CSMD1: variants seen among roughly 807,000 people sequenced by gnomAD.
CSMD1 encodes the protein CUB and Sushi multiple domains 1.
In CSMD1, 213 loss-of-function variants were observed where a neutral mutation model predicts 417.5. That is an observed-to-expected ratio of 0.51 (90% CI 0.46 to 0.57). The LOEUF (loss-of-function observed/expected upper bound fraction) is 0.57, where lower values mean the gene tolerates loss of function less well. Among genes scored for constraint, CSMD1 ranks in the 20% least tolerant of loss-of-function variants. The probability of loss-of-function intolerance (pLI) is 0.00; values close to 1 mark genes in which losing one functional copy is unlikely to be tolerated. For synonymous variants in CSMD1, 2,862 were observed against 1,736.8 expected (o/e 1.65, Z -16.11); for missense variants, 6,923 against 4,529.7 (o/e 1.53, Z -15.17).
intron 5 of CSMD1, among the ~76,000 whole-genome samples, chr8:3,903,201 T>G (rs2688399): frequency 0.032 from 4,878 of 152,166 alleles, 266 homozygotes; most frequent in African/African-American, 0.11. Context: ...TACCCTTCAG[T>G]GTGACTCTGC....
At chr8:4,986,884 T>C (rs186322437) in intron 1 of CSMD1, among the ~76,000 whole-genome samples, 1 of 152,310 alleles carries the variant, frequency 6.6e-6, no homozygotes, top group African/African-American at 2.4e-5. Flanking sequence ...GTGAAAACGT[T>C]ATTAGATTTT....
In CSMD1 at chr8:4,937,233, A is replaced by AAAC. The variant is rs1477660443; in HGVS notation, c.85+57098_85+57099insGTT. On this transcript the variant is annotated intron_variant, in intron 1 of 69. Coordinates refer to ENST00000635120, the MANE Select transcript of CSMD1 (RefSeq NM_033225.6). The stretch of plus-strand genomic sequence containing the variant: ...GTCTCAAAATAAATAAATAAATAAA[A>AAAC]TTATTTTTTATAAATATAAGGACAA... Among the ~76,000 whole-genome samples, 4 of 139,192 alleles carry AAAC rather than the reference A, an allele frequency of 2.9e-5. 1 individual carries two copies. Among genetic ancestry groups the AAAC allele is most frequent in the African/African-American group, 1.1e-4 (4 of 38,074 alleles). The allele number at this position is 139,192 out of a possible 152,430, so 91.3% of individuals were successfully genotyped here.
chr8:3,897,344 C>A (rs949711353), intron 5 of CSMD1, among the ~76,000 whole-genome samples: 2 of 152,158 alleles, frequency 1.3e-5, no homozygotes, highest in African/African-American at 4.8e-5. Context: ...CTCTTATAAG[C>A]AGTGTGCTCT....
At chr8:3,528,120 T>G (rs918302211) in intron 10 of CSMD1, among the ~76,000 whole-genome samples, 2 of 152,212 alleles carry the variant, frequency 1.3e-5, no homozygotes, top group Admixed American at 1.3e-4. Context: ...TGGAAAGTGA[T>G]TCTTTATTTT....
chr8:4,178,712 T>G (rs1798191713), intron 3 of CSMD1, among the ~76,000 whole-genome samples: 1 of 152,196 alleles, frequency 6.6e-6, no homozygotes, highest in South Asian at 2.1e-4. Flanking sequence ...CTCCTTAAGC[T>G]GATAGGCAAC....
At chr8:3,912,443 G>C (rs1402375620) in intron 5 of CSMD1, among the ~76,000 whole-genome samples, 2 of 152,116 alleles carry the variant, frequency 1.3e-5, no homozygotes, top group African/African-American at 4.8e-5. Context: ...GAGTAGACCA[G>C]GGAAGACATT....
intron 7 of CSMD1, among the ~76,000 whole-genome samples, chr8:3,657,386 T>A (rs1798182597): frequency 6.6e-6 from 1 of 151,922 alleles, no homozygotes; most frequent in Admixed American, 6.6e-5. Flanking sequence ...TATAAAACTG[T>A]ATGGTATCAA....
At chr8:3,402,259 C>CT (rs916057001) in intron 15 of CSMD1, among the ~76,000 whole-genome samples, 4 of 152,058 alleles carry the variant, frequency 2.6e-5, no homozygotes, top group Non-Finnish European at 5.9e-5. Flanking sequence ...AATCCTTAAT[C>CT]TTTTTTTTCA....
intron 1 of CSMD1, among the ~76,000 whole-genome samples, chr8:4,666,170 T>C (rs561961584): frequency 5.9e-5 from 9 of 152,146 alleles, no homozygotes; most frequent in Non-Finnish European, 1.2e-4. Flanking sequence ...TGCAGAATAA[T>C]GACCTCCCAA....
At chr8:3,193,958 C>A (rs570645408) in intron 33 of CSMD1, among the ~76,000 whole-genome samples, 1 of 152,148 alleles carries the variant, frequency 6.6e-6, no homozygotes, top group South Asian at 2.1e-4. Context: ...TAAAATAAAT[C>A]TGAGTGCATG....
intron 7 of CSMD1, among the ~76,000 whole-genome samples, chr8:3,661,916 T>C (rs991484507): frequency 6.6e-6 from 1 of 152,068 alleles, no homozygotes; most frequent in Non-Finnish European, 1.5e-5. Context: ...ACAGCAAATT[T>C]ATAGCAAAGA....
intron 1 of CSMD1, among the ~76,000 whole-genome samples, chr8:4,892,790 T>A (rs1804211243): frequency 6.6e-6 from 1 of 152,272 alleles, no homozygotes; most frequent in Non-Finnish European, 1.5e-5. Context: ...AGGGTATAAA[T>A]CTACCTTGTA....
At chr8:4,458,579 G>C (rs73660863) in intron 2 of CSMD1, among the ~76,000 whole-genome samples, 1,544 of 152,074 alleles carry the variant, frequency 0.01, 22 homozygotes, top group African/African-American at 0.036. Flanking sequence ...CATTGTAACA[G>C]TAAATACAAG....
chr8:4,662,369 T>C (rs1804660298), intron 1 of CSMD1, among the ~76,000 whole-genome samples: 1 of 152,160 alleles, frequency 6.6e-6, no homozygotes, highest in African/African-American at 2.4e-5. Flanking sequence ...CATGCATTGT[T>C]CCTGAAATTG....
chr8:4,450,598 T>C (rs892053124), intron 2 of CSMD1, among the ~76,000 whole-genome samples: 7 of 152,056 alleles, frequency 4.6e-5, no homozygotes. Flanking sequence ...ACCACTGCAC[T>C]CCAGCCTGGT....
chr8:4,057,527 C>A (rs1249291834), intron 3 of CSMD1, among the ~76,000 whole-genome samples: 2 of 152,050 alleles, frequency 1.3e-5, no homozygotes, highest in African/African-American at 2.4e-5. Flanking sequence ...TGCAGAAGCT[C>A]TTTAGTTTAA....
intron 3 of CSMD1, among the ~76,000 whole-genome samples, chr8:4,114,738 C>A (rs1018158605): frequency 6.6e-6 from 1 of 152,146 alleles, no homozygotes; most frequent in African/African-American, 2.4e-5. Flanking sequence ...TTGATTCCAA[C>A]ACTTTACAGT....
intron 6 of CSMD1, among the ~76,000 whole-genome samples, chr8:3,752,702 A>AC (rs1797417791): frequency 6.7e-6 from 1 of 150,244 alleles, no homozygotes; most frequent in Admixed American, 6.7e-5. Context: ...AAAAAAAAAA[A>AC]AACATATTTT....
chr8:3,860,605 A>G (rs938973947), intron 5 of CSMD1, among the ~76,000 whole-genome samples: 1 of 152,178 alleles, frequency 6.6e-6, no homozygotes, highest in African/African-American at 2.4e-5. Flanking sequence ...TCATATATGA[A>G]CATAAGAGAC....
Sources: allele counts gnomAD v4.1 joint callset (sites outside exome capture counted in the v4.1 genomes callset), GRCh38; gene constraint gnomAD v4.1.1; transcripts MANE v1.5; gene names NCBI Gene and HGNC (gene_info 2026-07-23, HGNC 2026-07-21).